The following STPG2 variants were observed in gnomAD, a reference collection of about 807,000 sequenced individuals.
STPG2 encodes the protein sperm tail PG-rich repeat containing 2.
A neutral mutation model predicts 54.2 loss-of-function variants in STPG2; 56 were observed. That is an observed-to-expected ratio of 1.03 (90% confidence interval 0.83 to 1.29). The LOEUF (loss-of-function observed/expected upper bound fraction) is 1.29. Among genes scored for constraint, STPG2 ranks in the 50% most tolerant of loss-of-function variants. The pLI is 0.00. For synonymous variants in STPG2, 200 were observed against 181.8 expected, an observed-to-expected ratio of 1.10 and a Z score of -0.81; for missense variants, 596 against 544.9, an observed-to-expected ratio of 1.09 and a Z score of -0.93.
At chr4:97,527,756 T>C (rs1226548337) in intron 4 of STPG2, among the ~76,000 whole-genome samples, 2 of 152,222 alleles carry the variant, frequency 1.3e-5, no homozygotes, top group Non-Finnish European at 2.9e-5. Context: ...CCAGTGATGA[T>C]GAGCTTTTCT....
intron 8 of STPG2, among the ~76,000 whole-genome samples, chr4:97,897,539 C>CT (rs1189523309): frequency 3.3e-5 from 5 of 152,090 alleles, no homozygotes; most frequent in African/African-American, 1.2e-4. Context: ...TGTTAGCATT[C>CT]TTTTTTCTCT....
intron 10 of STPG2, among the ~76,000 whole-genome samples, chr4:97,606,106 G>C: frequency 6.6e-6 from 1 of 151,814 alleles, no homozygotes; most frequent in East Asian, 1.9e-4. Context: ...TCAAAATACA[G>C]GATGCTGATG....
At chr4:97,827,162 G>A (rs189864920) in intron 9 of STPG2, among the ~76,000 whole-genome samples, 4 of 151,750 alleles carry the variant, frequency 2.6e-5, no homozygotes, top group Admixed American at 2.6e-4. Flanking sequence ...TAATCTTTTT[G>A]ACTCTTTGCT....
Position 97,737,690 on chromosome 4 carries a change from T to C in STPG2, c.1205-24876A>G, listed in dbSNP as rs186048156. Among the ~76,000 whole-genome samples, 822 of 152,226 alleles carry C rather than the reference T, an allele frequency of 5.4e-3. 3 individuals carry two copies. The highest frequency in any genetic ancestry group is 0.02 in the Middle Eastern group (6 of 294). ...AAAATAAAAAGAAACAAACAAAGCA[T>C]TCAAGAAATATGGGACTATGTGAAA... On this transcript the variant is annotated intron_variant, in intron 9 of 10. Transcript: ENST00000295268.
chr4:97,462,572 T>C (rs953827168), intron 4 of STPG2, among the ~76,000 whole-genome samples: 1 of 152,048 alleles, frequency 6.6e-6, no homozygotes, highest in Admixed American at 6.5e-5. Context: ...TAATTCCTAG[T>C]TTTTGTCAAT....
At chr4:97,780,546 T>C (rs376773688) in intron 9 of STPG2, among the ~76,000 whole-genome samples, 1 of 98,926 alleles carries the variant, frequency 1.0e-5, no homozygotes, top group African/African-American at 4.2e-5. Context: ...AACAAGGATA[T>C]CCAGGAATTG....
chr4:97,720,892 A>G (rs1205484512), intron 9 of STPG2, among the ~76,000 whole-genome samples: 1 of 151,992 alleles, frequency 6.6e-6, no homozygotes, highest in Non-Finnish European at 1.5e-5. Flanking sequence ...CTATTTTTCT[A>G]GAATCCAATA....
chr4:98,015,518 A>G (rs1026974450), intron 5 of STPG2, among the ~76,000 whole-genome samples: 1 of 152,222 alleles, frequency 6.6e-6, no homozygotes, highest in Admixed American at 6.5e-5. Context: ...ATACCATCTC[A>G]TGCCAGTTGG....
chr4:98,127,020 T>A (rs981220551), intron 3 of STPG2, among the ~76,000 whole-genome samples: 4 of 151,934 alleles, frequency 2.6e-5, no homozygotes, highest in Admixed American at 2.0e-4. Context: ...CTGGAAAATA[T>A]AACAGTAAGC....
intron 5 of STPG2, among the ~76,000 whole-genome samples, chr4:98,075,109 C>T (rs1010820745): frequency 6.6e-6 from 1 of 152,104 alleles, no homozygotes; most frequent in Non-Finnish European, 1.5e-5. Flanking sequence ...TGTTCTTATT[C>T]CTGAAAATCT....
At chr4:98,055,480 C>T (rs1445874779) in intron 5 of STPG2, among the ~76,000 whole-genome samples, 2 of 152,300 alleles carry the variant, frequency 1.3e-5, no homozygotes, top group East Asian at 3.9e-4. Flanking sequence ...TGAACCGCAA[C>T]AGCACTGAGG....
intron 10 of STPG2, among the ~76,000 whole-genome samples, chr4:97,637,142 C>T (rs1396213910): frequency 6.6e-6 from 1 of 152,172 alleles, no homozygotes; most frequent in Non-Finnish European, 1.5e-5. Context: ...AGCTTATCCA[C>T]CATGATCGAG....
rs117874343 is a variant in STPG2 at position 97,532,726 on chromosome 4, A to G, written c.462+179973T>C. 5.9e-4 allele frequency among the ~76,000 whole-genome samples: 90 copies of G among 152,324 alleles called. No homozygotes were observed. In the East Asian group the frequency reaches 0.016, roughly 27 times the overall value. On this transcript the variant is annotated intron_variant, in intron 4 of 4. Coordinates refer to the STPG2 transcript ENST00000522676. ...TACTGGTTAGATATGATTGATATAG[A>G]TAGGCATAGATGTGCTTATCCTACT...
intron 10 of STPG2, among the ~76,000 whole-genome samples, chr4:97,701,962 A>T (rs1723793332): frequency 6.6e-6 from 1 of 152,176 alleles, no homozygotes; most frequent in Admixed American, 6.5e-5. Context: ...TGACATACAG[A>T]GAAGAGCAAT....
intron 8 of STPG2, among the ~76,000 whole-genome samples, chr4:97,925,765 G>A (rs1732310796): frequency 6.6e-6 from 1 of 152,116 alleles, no homozygotes; most frequent in African/African-American, 2.4e-5. Flanking sequence ...AGGATCCCAA[G>A]GATCTGTGTC....
intron 5 of STPG2, among the ~76,000 whole-genome samples, chr4:98,071,404 T>C (rs900779588): frequency 3.3e-5 from 5 of 152,230 alleles, no homozygotes; most frequent in African/African-American, 1.2e-4. Context: ...TTACACCTTA[T>C]ACAAAAATTA....
chr4:97,826,322 T>C (rs1362242285), intron 9 of STPG2, among the ~76,000 whole-genome samples: 3 of 152,164 alleles, frequency 2.0e-5, no homozygotes, highest in Admixed American at 6.5e-5. Flanking sequence ...ATTTAGAGGG[T>C]TAAAGGATTG....
At chr4:97,871,956 G>C (rs1033129974) in intron 8 of STPG2, among the ~76,000 whole-genome samples, 1 of 150,502 alleles carries the variant, frequency 6.6e-6, no homozygotes, top group Non-Finnish European at 1.5e-5. Context: ...GAACAAATGG[G>C]GCTTATTCTA....
chr4:97,957,803 T>A (rs779817271), intron 7 of STPG2, among the ~76,000 whole-genome samples: 2 of 152,176 alleles, frequency 1.3e-5, no homozygotes, highest in Non-Finnish European at 2.9e-5. Flanking sequence ...CCAAAACTTT[T>A]GTATCCAGTG....
Sources: gnomAD v4.1 joint callset for allele counts (sites outside exome capture counted in the v4.1 genomes callset) on GRCh38, gnomAD v4.1.1 for gene constraint, MANE v1.5 for transcripts, NCBI Gene and HGNC (gene_info 2026-07-23, HGNC 2026-07-21) for gene names.